FAT3: variants seen among roughly 807,000 people sequenced by gnomAD.
FAT3 encodes the protein protocadherin Fat 3.
FAT3 carries 95 observed loss-of-function variants against 310.2 expected under a neutral mutation model. That is an observed-to-expected ratio of 0.31 (90% confidence interval 0.26 to 0.36). The LOEUF is 0.36. Among genes scored for constraint, FAT3 ranks in the 10% least tolerant of loss-of-function variants. FAT3 has a pLI of 1.00. For missense variants in FAT3, 5,408 were observed against 5,715.6 expected (o/e 0.95, Z 1.74); for synonymous variants, 2,314 against 2,192.9 (o/e 1.06, Z -1.54).
intron 4 of FAT3, among the ~76,000 whole-genome samples, chr11:92,758,132 A>G (rs993177159): frequency 1.4e-4 from 22 of 152,192 alleles, no homozygotes; most frequent in African/African-American, 4.8e-4. Context: ...AGGTAAGTGA[A>G]TTCTTGATTT....
At chr11:92,306,763 AT>A (rs1947150075) in intron 1 of FAT3, among the ~76,000 whole-genome samples, 2 of 129,938 alleles carry the variant, frequency 1.5e-5, no homozygotes, top group Non-Finnish European at 3.1e-5. Context: ...AAATATATAT[AT>A]AAATAAATTA....
At chr11:92,450,450 G>T (rs1286456145) in intron 2 of FAT3, among the ~76,000 whole-genome samples, 1 of 152,078 alleles carries the variant, frequency 6.6e-6, no homozygotes, top group Admixed American at 6.6e-5. Flanking sequence ...AGGCTTCTTG[G>T]AAGATCTTTA....
intron 3 of FAT3, among the ~76,000 whole-genome samples, chr11:92,679,349 T>C (rs978866022): frequency 2.0e-4 from 30 of 152,130 alleles, no homozygotes; most frequent in African/African-American, 6.5e-4. Flanking sequence ...ATAGTAGTTC[T>C]ATTTTTAGGT....
chr11:92,485,511 T>C (rs1248821842), intron 2 of FAT3, among the ~76,000 whole-genome samples: 1 of 104,870 alleles, frequency 9.5e-6, no homozygotes, highest in Non-Finnish European at 1.8e-5. Context: ...AATGGCTTAT[T>C]TTAATCATCT....
At chr11:92,669,101 T>A (rs1356986882) in intron 3 of FAT3, among the ~76,000 whole-genome samples, 1 of 152,242 alleles carries the variant, frequency 6.6e-6, no homozygotes, top group Non-Finnish European at 1.5e-5. Context: ...ACCATCAACT[T>A]TGACTTTTCT....
intron 3 of FAT3, among the ~76,000 whole-genome samples, chr11:92,566,320 A>G (rs1222469287): frequency 6.6e-6 from 1 of 152,180 alleles, no homozygotes; most frequent in Non-Finnish European, 1.5e-5. Flanking sequence ...CTAGGAATCT[A>G]CCTTACAAGG....
Position 92,891,379 on chromosome 11 carries a change from GA to G in FAT3, c.*271del, listed in dbSNP as rs1162359243. The G allele has an allele frequency of 8.1e-6, 4 of 495,570 alleles. No homozygotes were observed. The highest frequency in any genetic ancestry group is 1.5e-5 in the Non-Finnish European group (4 of 274,232). 30.7% of individuals were successfully genotyped at this position (495,570 alleles called of 1,614,324 possible). A position where few individuals can be genotyped will look rare whatever the true frequency, so the allele number is the denominator to read the frequency against. On this transcript the variant is annotated 3_prime_UTR_variant, in exon 28 of 28. Transcript: ENST00000525166. ...GTTCACAGCTAAAAATGCAAAGAGG[GA>G]AAAATTATTTCACCCACTAAGTTAT... is the stretch of plus-strand genomic sequence containing the variant.
intron 3 of FAT3, among the ~76,000 whole-genome samples, chr11:92,553,946 C>T (rs1173457251): frequency 6.6e-6 from 1 of 151,884 alleles, no homozygotes; most frequent in East Asian, 2.0e-4. Context: ...GCTGGAATTA[C>T]AGGAGCCCAC....
At chr11:92,284,159 G>A (rs1336659353) in intron 1 of FAT3, among the ~76,000 whole-genome samples, 1 of 152,040 alleles carries the variant, frequency 6.6e-6, no homozygotes, top group African/African-American at 2.4e-5. Flanking sequence ...TCAGATGAAG[G>A]TGGTATAGGA....
chr11:92,557,545 C>G (rs1340616249), intron 3 of FAT3, among the ~76,000 whole-genome samples: 4 of 152,174 alleles, frequency 2.6e-5, no homozygotes, highest in African/African-American at 9.7e-5. Flanking sequence ...CAGTTGAACC[C>G]CAGGCCACTG....
At chr11:92,234,268 CAA>C (rs1425134873) in intron 1 of FAT3, among the ~76,000 whole-genome samples, 1 of 152,070 alleles carries the variant, frequency 6.6e-6, no homozygotes, top group East Asian at 1.9e-4. Flanking sequence ...TTAAATTTCT[CAA>C]AGAGATGCAA....
intron 2 of FAT3, among the ~76,000 whole-genome samples, chr11:92,460,482 G>C (rs1951608012): frequency 6.6e-6 from 1 of 152,174 alleles, no homozygotes; most frequent in Admixed American, 6.5e-5. Context: ...CTGCTTCCTT[G>C]TCTGTGACAG....
intron 2 of FAT3, among the ~76,000 whole-genome samples, chr11:92,442,109 A>C (rs1214270920): frequency 1.4e-4 from 7 of 50,082 alleles, no homozygotes; most frequent in African/African-American, 8.9e-4. Context: ...ATATATATAT[A>C]TATTTTTTTT....
intron 4 of FAT3, among the ~76,000 whole-genome samples, chr11:92,706,258 A>G (rs1591631906): frequency 6.6e-6 from 1 of 152,124 alleles, no homozygotes; most frequent in African/African-American, 2.4e-5. Context: ...AAATTTCCCT[A>G]TTATCTGAAG....
intron 6 of FAT3, among the ~76,000 whole-genome samples, chr11:92,771,600 G>A (rs569463380): frequency 8.1e-4 from 123 of 152,114 alleles, no homozygotes; most frequent in Non-Finnish European, 1.5e-3. Context: ...TAAGCTGAGA[G>A]ACATAGTTTG....
chr11:92,254,069 G>A (rs890029801), intron 1 of FAT3, among the ~76,000 whole-genome samples: 1 of 152,152 alleles, frequency 6.6e-6, no homozygotes, highest in African/African-American at 2.4e-5. Context: ...TTCTCTGGTT[G>A]CAAGGAAAGG....
At chr11:92,708,022 T>C (rs1286810446) in intron 4 of FAT3, among the ~76,000 whole-genome samples, 2 of 152,210 alleles carry the variant, frequency 1.3e-5, no homozygotes, top group African/African-American at 2.4e-5. Context: ...TGCCTTGCTT[T>C]TGTGGCAAAT....
At chr11:92,394,013 G>A (rs927613571) in intron 2 of FAT3, among the ~76,000 whole-genome samples, 3 of 152,212 alleles carry the variant, frequency 2.0e-5, no homozygotes, top group African/African-American at 7.2e-5. Context: ...CTTGTCAAGG[G>A]TGGGGACTGC....
rs1454511112 is a variant in FAT3, at chr11:92,891,021, G to A, written c.13678G>A (p.Val4560Ile). ...CAACTGCGGCTTTGACGATTCCGAAGTAGCCATGAGTGACTACGAGAGCGT... is the reference window on the plus strand; with the variant it reads ...CAACTGCGGCTTTGACGATTCCGAAATAGCCATGAGTGACTACGAGAGCGT... Reference protein sequence around the residue: ...SANCGFDDSEVAMSDYESVGE... With the variant: ...SANCGFDDSEIAMSDYESVGE... The change falls in exon 28 of 28, where the codon GTA (valine) becomes ATA (isoleucine). Residue 4560 changes from valine to isoleucine, a missense_variant. This residue lies in a region of FAT3 where 649 missense variants were observed against 666.2 expected (regional missense o/e 0.97). Transcript: ENST00000525166. The A allele has an allele frequency of 1.9e-6, 3 of 1,613,740 alleles. No homozygotes were observed. Among genetic ancestry groups the A allele is most frequent in the Non-Finnish European group, 1.7e-6 (2 of 1,179,858 alleles).
Sources: allele counts gnomAD v4.1 joint callset (sites outside exome capture counted in the v4.1 genomes callset), GRCh38; gene constraint gnomAD v4.1.1; regional missense constraint gnomAD v4.1.1; transcripts MANE v1.5; gene names NCBI Gene and HGNC (gene_info 2026-07-23, HGNC 2026-07-21).